APC: variants seen among roughly 807,000 people sequenced by gnomAD.
APC encodes APC regulator of Wnt signaling pathway, also known as adenomatous polyposis coli protein.
Under a neutral mutation model 247.0 loss-of-function variants are expected in APC, and 72 were observed. That is an observed-to-expected ratio of 0.29 (90% CI 0.24 to 0.35). APC has a LOEUF of 0.35. Ranked by LOEUF, APC falls within the 10% of genes least tolerant of loss-of-function variation. The probability of loss-of-function intolerance (pLI) is 1.00; values close to 1 mark genes in which losing one functional copy is unlikely to be tolerated. For missense variants in APC, 3,400 were observed against 3,360.7 expected, an observed-to-expected ratio of 1.01 and a Z score of -0.29; for synonymous variants, 1,254 against 1,162.5, an observed-to-expected ratio of 1.08 and a Z score of -1.60.
intron 2 of APC, among the ~76,000 whole-genome samples, chr5:112,757,677 G>A (rs1755140161): frequency 1.3e-5 from 2 of 152,158 alleles, no homozygotes; most frequent in African/African-American, 4.8e-5. Context: ...AGCCAGACCT[G>A]GTCTGTCTGA....
intron 1 of APC, among the ~76,000 whole-genome samples, chr5:112,710,325 T>TCCTTTGCTGAG: frequency 6.6e-6 from 1 of 152,282 alleles, no homozygotes; most frequent in South Asian, 2.1e-4. Flanking sequence ...CTTAATCTCT[T>TCCTTTGCTGAG]CCTTTGCTGA....
At chr5:112,725,600 C>CAA (rs368015004) in intron 1 of APC, among the ~76,000 whole-genome samples, 1 of 138,930 alleles carries the variant, frequency 7.2e-6, no homozygotes, top group African/African-American at 2.6e-5. Context: ...CAAAAACATA[C>CAA]AAAAAAAAAA....
At chr5:112,733,668 C>G (rs1450985542), upstream of APC, among the ~76,000 whole-genome samples, 5 of 152,186 alleles carry the variant, frequency 3.3e-5, no homozygotes, top group South Asian at 6.2e-4. Context: ...GACTTCTGAC[C>G]TACAAAACTG....
At chr5:112,817,727 T>C (rs951433949) in intron 9 of APC, among the ~76,000 whole-genome samples, 6 of 152,228 alleles carry the variant, frequency 3.9e-5, no homozygotes, top group African/African-American at 1.4e-4. Flanking sequence ...GTCCTATACA[T>C]GTATTATTTT....
At chr5:112,795,469 C>A (rs1311768905) in intron 7 of APC, among the ~76,000 whole-genome samples, 1 of 152,182 alleles carries the variant, frequency 6.6e-6, no homozygotes, top group Non-Finnish European at 1.5e-5. Flanking sequence ...CAGCCTCCTT[C>A]TCTTCCTGGA....
Position 112,839,365 on chromosome 5 carries a change from A to G in APC, c.3771A>G (p.Glu1257=), listed in dbSNP as rs1554085294. The G allele has an allele frequency of 1.2e-6, 2 of 1,613,628 alleles. No individual in the cohort carries two copies. Among genetic ancestry groups the G allele is most frequent in the Non-Finnish European group, 1.7e-6 (2 of 1,179,776 alleles). Residue 1257 remains glutamate, a synonymous_variant, in exon 16 of 16, where the codon GAA becomes GAG. Coordinates refer to ENST00000257430, the MANE Select transcript of APC (RefSeq NM_000038.6). This position sits in a 1 kb window ranked among gnomAD's most constrained non-coding sequence, Gnocchi z 5.0. ...GCAAAGTTTCTTCTATTAACCAAGA[A>G]ACAATACAGACTTATTGTGTAGAAG... ...ATCKVSSINQ[E]TIQTYCVEDT... is the part of the protein sequence containing the mutation.
In APC at chr5:112,841,089, A is replaced by G. The variant is rs537695710; in HGVS notation, c.5495A>G (p.Asp1832Gly). ...VFNDKLPNNE[D>G]RVRGSFAFDS... is the part of the protein sequence containing the mutation. ...AATGATAAGCTCCCAAATAATGAAGATAGAGTCAGAGGAAGTTTTGCTTTT... is the reference window on the plus strand; with the variant it reads ...AATGATAAGCTCCCAAATAATGAAGGTAGAGTCAGAGGAAGTTTTGCTTTT... The change falls in exon 16 of 16, where the codon GAT (aspartate) becomes GGT (glycine). Residue 1832 changes from aspartate (D) to glycine (G), a missense_variant. Around this residue, in one of 9 missense-constraint regions of APC, gnomAD observed 1,788 missense variants for 1,649.5 expected, o/e 1.08. Transcript: ENST00000257430. The surrounding 1 kb of genome is among the most constrained non-coding windows in gnomAD (Gnocchi z 4.6). 2 of 1,612,968 alleles carry G rather than the reference A, an allele frequency of 1.2e-6. No individual in the cohort carries two copies. The highest frequency in any genetic ancestry group is 1.7e-5 in the Admixed American group (1 of 60,014).
intron 11 of APC, among the ~76,000 whole-genome samples, chr5:112,826,816 G>A (rs1240977026): frequency 6.6e-6 from 1 of 152,014 alleles, no homozygotes; most frequent in Admixed American, 6.6e-5. Flanking sequence ...TTCACTGTTG[G>A]CAAGGTGCAG....
At chr5:112,720,666 T>C (rs554118110) in intron 1 of APC, among the ~76,000 whole-genome samples, 35 of 152,334 alleles carry the variant, frequency 2.3e-4, no homozygotes, top group African/African-American at 7.5e-4. Flanking sequence ...AAAATAGGTC[T>C]GTTACAGATT....
chr5:112,833,096 C>G (rs1764472118), intron 14 of APC, among the ~76,000 whole-genome samples: 1 of 151,784 alleles, frequency 6.6e-6, no homozygotes, highest in African/African-American at 2.4e-5. Context: ...GCCACACAGC[C>G]TTGACCTCCT....
At chr5:112,792,303 G>A in intron 6 of APC, 143 bp from the exon 7 acceptor site, 1 of 547,160 alleles carries the variant, frequency 1.8e-6, no homozygotes. Context: ...GTTATTAAAG[G>A]GTGAATATAT....
chr5:112,769,050 C>CTTTTTTT (rs11379766), intron 4 of APC, among the ~76,000 whole-genome samples: 25 of 96,808 alleles, frequency 2.6e-4, no homozygotes, highest in African/African-American at 5.4e-4. Flanking sequence ...TTTTTTTCTT[C>CTTTTTTT]TTTTTTTTTT....
intron 1 of APC, among the ~76,000 whole-genome samples, chr5:112,742,694 A>C (rs569412757): frequency 2.6e-5 from 4 of 152,306 alleles, no homozygotes; most frequent in Admixed American, 6.5e-5. Flanking sequence ...TTCTAACAGA[A>C]AGGCCATTTA....
intron 8 of APC, among the ~76,000 whole-genome samples, chr5:112,804,538 C>G (rs11949744): frequency 0.028 from 4,309 of 152,176 alleles, 193 homozygotes; most frequent in African/African-American, 0.099. Context: ...TGCCACCACA[C>G]CAAGCTAATT....
At chr5:112,709,913 A>G (rs188907500) in intron 1 of APC, among the ~76,000 whole-genome samples, 9 of 152,156 alleles carry the variant, frequency 5.9e-5, no homozygotes, top group Admixed American at 2.0e-4. Context: ...CTAACAAACA[A>G]ACAAACCCTC....
At chr5:112,764,769 A>G (rs1183661451) in intron 2 of APC, among the ~76,000 whole-genome samples, 1 of 152,208 alleles carries the variant, frequency 6.6e-6, no homozygotes, top group Non-Finnish European at 1.5e-5. Context: ...TTGAAGGACT[A>G]AAACAGTAGC....
In APC at chr5:112,836,180, G is replaced by A. The variant is rs2545154; in HGVS notation, c.1958+1015G>A. Among the ~76,000 whole-genome samples, 4,172 of 30,370 alleles carry A rather than the reference G, an allele frequency of 0.14. 451 individuals carry two copies. The highest frequency in any genetic ancestry group is 0.23 in the East Asian group (112 of 480). The allele number at this position is 30,370 out of a possible 152,430, so 19.9% of individuals were successfully genotyped here. The stretch of plus-strand genomic sequence containing the variant: ...GGATTACAGGTCCCCCCCCCCCCCC[G>A]CCACCGTGCCCGGCTAATTTTTATA... On this transcript the variant is annotated intron_variant, in intron 15 of 15. Transcript: ENST00000257430.
In APC at chr5:112,776,895, CT is replaced by C. The variant is rs149554768; in HGVS notation, c.531+1161del. ...AAAATAAATGACTCACTAGAGGAAT[CT>C]TTAAGTGTCCATTTAACTGTCTTGT... On this transcript the variant is annotated intron_variant, in intron 5 of 15. Transcript: ENST00000257430. 7.9e-3 allele frequency among the ~76,000 whole-genome samples: 1,198 copies of C among 152,116 alleles called. 15 individuals are homozygous for C. The highest frequency in any genetic ancestry group is 0.027 in the African/African-American group (1,118 of 41,500).
At chr5:112,811,046 G>A (rs1439088889) in intron 8 of APC, among the ~76,000 whole-genome samples, 1 of 151,906 alleles carries the variant, frequency 6.6e-6, no homozygotes, top group African/African-American at 2.4e-5. Flanking sequence ...CACAAAAAAA[G>A]AACCAACATC....
Sources: gnomAD v4.1 joint callset for allele counts (sites outside exome capture counted in the v4.1 genomes callset) on GRCh38, gnomAD v4.1.1 for gene constraint, gnomAD v4.1.1 regional missense constraint, Gnocchi (gnomAD v3.1) non-coding constraint, MANE v1.5 for transcripts, NCBI Gene and HGNC (gene_info 2026-07-23, HGNC 2026-07-21) for gene names.